COL14A1: variants seen among roughly 807,000 people sequenced by gnomAD.
COL14A1 encodes collagen alpha-1(XIV) chain.
In COL14A1, 136 loss-of-function variants were observed where a neutral mutation model predicts 230.3. The ratio of observed to expected loss-of-function variants is 0.59; its 90% confidence interval spans 0.51 to 0.68. The LOEUF (loss-of-function observed/expected upper bound fraction) is 0.68. Among genes scored for constraint, COL14A1 ranks in the 30% least tolerant of loss-of-function variants. The pLI is 0.00. For synonymous variants in COL14A1, 792 were observed against 784.1 expected, an observed-to-expected ratio of 1.01 and a Z score of -0.17; for missense variants, 1,976 against 2,215.8, an observed-to-expected ratio of 0.89 and a Z score of 2.17.
At chr8:120,338,646 C>A (rs940567018) in intron 42 of COL14A1, among the ~76,000 whole-genome samples, 2 of 151,968 alleles carry the variant, frequency 1.3e-5, no homozygotes, top group African/African-American at 4.8e-5. Context: ...ATGAATTAAT[C>A]CTGCAGAGCT....
chr8:120,263,860 G>A (rs938484203), intron 24 of COL14A1, among the ~76,000 whole-genome samples: 2 of 152,148 alleles, frequency 1.3e-5, no homozygotes, highest in African/African-American at 4.8e-5. Context: ...CCTTCAAAAA[G>A]AGAGGATAAA....
At chr8:120,231,412 A>G (rs1586787675) in intron 18 of COL14A1, 55 bp from the exon 19 acceptor site, 1 of 1,574,826 alleles carries the variant, frequency 6.3e-7, no homozygotes, top group East Asian at 2.2e-5. Flanking sequence ...TCTGTGGCTC[A>G]TTTTGGAATA....
intron 12 of COL14A1, 91 bp from the exon 13 acceptor site, chr8:120,212,357 T>G: frequency 1.5e-6 from 2 of 1,324,258 alleles, no homozygotes; most frequent in East Asian, 2.4e-5. Flanking sequence ...TAAAGTCTTA[T>G]CCCATGAAGT....
chr8:120,254,362 T>A (rs1400588504), intron 22 of COL14A1, among the ~76,000 whole-genome samples: 1 of 152,168 alleles, frequency 6.6e-6, no homozygotes, highest in African/African-American at 2.4e-5. Flanking sequence ...AAAAATAATT[T>A]GTGTTATCTC....
chr8:120,345,229 G>T, intron 44 of COL14A1, 146 bp from the exon 45 acceptor site: 1 of 665,986 alleles, frequency 1.5e-6, no homozygotes, highest in Non-Finnish European at 2.4e-6. Context: ...TGTTAAGCTG[G>T]AAATCAACAT....
At chr8:120,192,629 C>A (rs965349472) in intron 5 of COL14A1, among the ~76,000 whole-genome samples, 1 of 152,206 alleles carries the variant, frequency 6.6e-6, no homozygotes, top group African/African-American at 2.4e-5. Context: ...TGGATAATAT[C>A]TTGCAGAGTG....
chr8:120,305,060 C>A (rs926249066), intron 36 of COL14A1, among the ~76,000 whole-genome samples: 3 of 151,636 alleles, frequency 2.0e-5, no homozygotes, highest in Non-Finnish European at 4.4e-5. Context: ...CTCACCACAA[C>A]CTCTGCCTCC....
At chr8:120,265,783 T>A (rs1819485408) in intron 24 of COL14A1, among the ~76,000 whole-genome samples, 1 of 152,068 alleles carries the variant, frequency 6.6e-6, no homozygotes, top group African/African-American at 2.4e-5. Context: ...CCTCATTCTT[T>A]TAATGTTGAA....
rs115660023 is a variant in COL14A1 at position 120,203,830 on chromosome 8, T to C, written c.999T>C (p.Thr333=). The change falls in exon 9 of 48, where the codon ACT becomes ACC. Residue 333 remains threonine (T), a synonymous_variant. Coordinates refer to ENST00000297848, the MANE Select transcript of COL14A1 (RefSeq NM_021110.4). ...MHTVVESLTR[T]LCSRVEEQDR... is the part of the protein sequence containing the mutation. ...CAGTTGTGGAGAGTCTGACCAGGACTCTCTGCTCTAGAGTGGAAGAACAGG... is the reference window on the plus strand; with the variant it reads ...CAGTTGTGGAGAGTCTGACCAGGACCCTCTGCTCTAGAGTGGAAGAACAGG... The C allele has an allele frequency of 1.9e-6, 3 of 1,613,890 alleles. No individual in the cohort carries two copies. The highest frequency in any genetic ancestry group is 1.3e-5 in the African/African-American group (1 of 75,018).
intron 1 of COL14A1, among the ~76,000 whole-genome samples, chr8:120,139,575 CTCCT>C (rs1171266652): frequency 6.6e-6 from 1 of 152,178 alleles, no homozygotes; most frequent in Non-Finnish European, 1.5e-5. Context: ...CTTCTTGATT[CTCCT>C]TCCTTTTTTA....
chr8:120,215,849 G>C (rs1017633694), intron 13 of COL14A1, among the ~76,000 whole-genome samples: 1 of 152,128 alleles, frequency 6.6e-6, no homozygotes, highest in East Asian at 1.9e-4. Context: ...AGAGGGGAAG[G>C]CATCAAGAGT....
chr8:120,302,415 G>C (rs1667255978), intron 36 of COL14A1, among the ~76,000 whole-genome samples: 1 of 152,142 alleles, frequency 6.6e-6, no homozygotes, highest in Non-Finnish European at 1.5e-5. Flanking sequence ...GTTAGTCTTT[G>C]TATATGGTGT....
intron 35 of COL14A1, among the ~76,000 whole-genome samples, 173 bp from the exon 36 acceptor site, chr8:120,300,559 A>G (rs1820679030): frequency 6.6e-6 from 1 of 152,120 alleles, no homozygotes; most frequent in Admixed American, 6.6e-5. Flanking sequence ...GGAGGTACCC[A>G]TTCATTTTTC....
chr8:120,170,628 T>C (rs540671905), intron 5 of COL14A1, among the ~76,000 whole-genome samples: 1 of 152,206 alleles, frequency 6.6e-6, no homozygotes, highest in South Asian at 2.1e-4. Flanking sequence ...CTCGATGGTA[T>C]TAGTCCATTT....
chr8:120,161,570 T>G (rs75816256), intron 3 of COL14A1, among the ~76,000 whole-genome samples: 4,677 of 152,264 alleles, frequency 0.031, 94 homozygotes, highest in Non-Finnish European at 0.048. Flanking sequence ...ATAATTAAAT[T>G]GCTCATGTTT....
chr8:120,332,123 T>A lies in COL14A1; in HGVS notation c.4660-18T>A. ...ATAAAGCAACCACTTGCTGACATGC[T>A]GTGTTTCTTTTCGCCAGGGCCTTCC... On this transcript the variant is annotated intron_variant, in intron 40 of 47. Transcript: ENST00000297848. The A allele has an allele frequency of 6.2e-7, 1 of 1,613,604 alleles. No individual in the cohort carries two copies. The highest frequency in any genetic ancestry group is 8.5e-7 in the Non-Finnish European group (1 of 1,179,504).
chr8:120,299,364 G>A (rs1384438645), intron 35 of COL14A1, among the ~76,000 whole-genome samples: 1 of 152,032 alleles, frequency 6.6e-6, no homozygotes, highest in Non-Finnish European at 1.5e-5. Flanking sequence ...AGTAAACTCT[G>A]GAAGAAATTA....
intron 37 of COL14A1, among the ~76,000 whole-genome samples, chr8:120,313,229 G>A (rs1358991689): frequency 6.6e-6 from 1 of 152,100 alleles, no homozygotes. Flanking sequence ...GTGTGGTGGT[G>A]CATGCCTGTA....
intron 34 of COL14A1, among the ~76,000 whole-genome samples, chr8:120,292,090 A>G (rs1820393321): frequency 6.6e-6 from 1 of 152,128 alleles, no homozygotes. Flanking sequence ...TATATATTGT[A>G]CCCTCTCCTA....
Sources: gnomAD v4.1 joint callset for allele counts (sites outside exome capture counted in the v4.1 genomes callset) on GRCh38, gnomAD v4.1.1 for gene constraint, MANE v1.5 for transcripts, NCBI Gene and HGNC (gene_info 2026-07-23, HGNC 2026-07-21) for gene names.